Variants in PBX1 observed in about 807,000 individuals in gnomAD.
The protein encoded by PBX1 is pre-B-cell leukemia transcription factor 1.
In PBX1, 6 loss-of-function variants were observed where a neutral mutation model predicts 53.4. The ratio of observed to expected loss-of-function variants is 0.11; its 90% CI spans 0.06 to 0.22. The LOEUF is 0.22. Among genes scored for constraint, PBX1 ranks in the 10% least tolerant of loss-of-function variants. PBX1 has a pLI of 1.00. For synonymous variants in PBX1, 204 were observed against 212.3 expected (o/e 0.96, Z 0.34); for missense variants, 251 against 551.4 (o/e 0.46, Z 5.46).
chr1:164,680,634 A>G (rs1314633708), intron 2 of PBX1: 2 of 152,220 alleles, frequency 1.3e-5, no homozygotes, highest in South Asian at 2.1e-4. Context: ...AGCCTTCAGG[A>G]TAATTATTAT....
chr1:164,808,395 C>G (rs981349594), intron 5 of PBX1, among the ~76,000 whole-genome samples: 5 of 152,200 alleles, frequency 3.3e-5, no homozygotes, highest in African/African-American at 1.2e-4. Flanking sequence ...TCCACCCAAA[C>G]TTCTTATTCA....
At position 164,850,517 on chromosome 1, in the gene PBX1, G is replaced by A. The variant is rs1671782581; in HGVS notation, c.*3841G>A. On this transcript the variant is annotated 3_prime_UTR_variant, in exon 9 of 9. Transcript: ENST00000420696. ...GTTATTTTTGGTTTGTTTATTGGGG[G>A]GCTTTTTTTAATTGTCAGGATTATG... is the stretch of plus-strand genomic sequence containing the variant. 1.5e-5 allele frequency: 3 copies of A among 195,670 alleles called. 1 individual carries two copies. The Admixed American group carries it at 1.8e-4, about 12-fold the overall frequency. 12.1% of individuals were successfully genotyped at this position (195,670 alleles called of 1,614,324 possible). A position where few individuals can be genotyped will look rare whatever the true frequency, so the allele number is the denominator to read the frequency against.
intron 2 of PBX1, among the ~76,000 whole-genome samples, chr1:164,744,768 ATAGG>A (rs1386078959): frequency 7.9e-5 from 12 of 152,228 alleles, no homozygotes; most frequent in African/African-American, 2.4e-4. Context: ...GAGGTAGCAG[ATAGG>A]TAGGTAATCT....
chr1:164,829,484 G>T (rs1670643313), intron 8 of PBX1: 1 of 152,164 alleles, frequency 6.6e-6, no homozygotes, highest in Admixed American at 6.5e-5. Context: ...TTGAGCACTT[G>T]AAATATGGCT....
chr1:164,752,206 TTGTGTGTG>T (rs10629820), intron 2 of PBX1, among the ~76,000 whole-genome samples: 2,376 of 143,070 alleles, frequency 0.017, 25 homozygotes, highest in South Asian at 0.051. Flanking sequence ...CTTTAAGGTT[TTGTGTGTG>T]TGTGTGTGTG....
chr1:164,821,413 A>C (rs1670146895), intron 7 of PBX1, 124 bp from the exon 8 acceptor site: 2 of 739,962 alleles, frequency 2.7e-6, no homozygotes, highest in Admixed American at 3.9e-5. Flanking sequence ...TCCCAGGACA[A>C]CTGTCTCCAA....
At chr1:164,575,701 T>G (rs1290893055) in intron 2 of PBX1, among the ~76,000 whole-genome samples, 3 of 152,176 alleles carry the variant, frequency 2.0e-5, no homozygotes, top group Admixed American at 6.5e-5. Context: ...GTGTAGACGT[T>G]AATTCCTTTC....
rs555884808 is a variant in PBX1, at chr1:164,573,529, T to G, written c.265+10218T>G. Among the ~76,000 whole-genome samples, 33 of 149,048 alleles carry G rather than the reference T, an allele frequency of 2.2e-4. 1 individual carries two copies. The highest frequency in any genetic ancestry group is 1.5e-4 in the Non-Finnish European group (10 of 67,480). ...TTTTTAAAGACAGTGTCTCTCTCTG[T>G]CATCCAGGCTGGAGTGCAGTGGCGT... On this transcript the variant is annotated intron_variant, in intron 2 of 8. Transcript: ENST00000420696.
At chr1:164,570,680 G>A (rs1042919601) in intron 2 of PBX1, among the ~76,000 whole-genome samples, 1 of 152,178 alleles carries the variant, frequency 6.6e-6, no homozygotes, top group African/African-American at 2.4e-5. Flanking sequence ...GTGTGCATGT[G>A]TCTTTATAGT....
intron 6 of PBX1, chr1:164,813,999 C>T (rs374588956): frequency 4.6e-5 from 7 of 152,090 alleles, no homozygotes; most frequent in Non-Finnish European, 8.8e-5. Flanking sequence ...TCCAATTGTG[C>T]GTAAGTTGTT....
At chr1:164,803,527 G>A (rs1221752017) in intron 4 of PBX1, among the ~76,000 whole-genome samples, 5 of 152,210 alleles carry the variant, frequency 3.3e-5, no homozygotes, top group Admixed American at 1.3e-4. Flanking sequence ...TTGGGGAGAC[G>A]TATGTAAATC....
intron 2 of PBX1, among the ~76,000 whole-genome samples, chr1:164,768,728 C>G (rs1034031911): frequency 1.3e-5 from 2 of 152,184 alleles, no homozygotes; most frequent in African/African-American, 2.4e-5. Context: ...CACCATGGAC[C>G]TGGAATGTTG....
chr1:164,799,490 C>CA (rs965674152), intron 3 of PBX1, among the ~76,000 whole-genome samples: 8 of 151,644 alleles, frequency 5.3e-5, no homozygotes, highest in Non-Finnish European at 8.8e-5. Context: ...GACTCCGTCT[C>CA]AAAAAAAATA....
chr1:164,859,557 A>G (rs1175334987), intron 2 of PBX1, among the ~76,000 whole-genome samples: 1 of 152,116 alleles, frequency 6.6e-6, no homozygotes, highest in Non-Finnish European at 1.5e-5. Context: ...CCTCTTTGGG[A>G]CTTTCTATGC....
chr1:164,589,228 G>T (rs915145990), intron 2 of PBX1, among the ~76,000 whole-genome samples: 6 of 152,014 alleles, frequency 3.9e-5, no homozygotes, highest in Non-Finnish European at 7.4e-5. Context: ...GGAGGAGGGG[G>T]GCGCGGCTGA....
intron 2 of PBX1, among the ~76,000 whole-genome samples, chr1:164,670,766 G>C (rs961983946): frequency 6.6e-6 from 1 of 152,170 alleles, no homozygotes; most frequent in Non-Finnish European, 1.5e-5. Context: ...ATAGGGCAAG[G>C]CTTCTTGTAA....
At chr1:164,674,026 A>G (rs1396892189) in intron 2 of PBX1, among the ~76,000 whole-genome samples, 5 of 152,330 alleles carry the variant, frequency 3.3e-5, no homozygotes, top group Admixed American at 6.5e-5. Context: ...TGAAAACAAG[A>G]CGCCAGTACA....
At chr1:164,884,276 A>T (rs1003042931) in intron 2 of PBX1, among the ~76,000 whole-genome samples, 2 of 152,078 alleles carry the variant, frequency 1.3e-5, no homozygotes, top group African/African-American at 4.8e-5. Context: ...TATCATGGAG[A>T]TTTTTTTCCA....
At chr1:164,622,930 T>C (rs1231879425) in intron 2 of PBX1, among the ~76,000 whole-genome samples, 1 of 149,574 alleles carries the variant, frequency 6.7e-6, no homozygotes. Flanking sequence ...TTCTCCTGCC[T>C]CAGCCTCCCA....
Sources: gnomAD v4.1 joint callset for allele counts (sites outside exome capture counted in the v4.1 genomes callset) on GRCh38, gnomAD v4.1.1 for gene constraint, MANE v1.5 for transcripts, NCBI Gene and HGNC (gene_info 2026-07-23, HGNC 2026-07-21) for gene names.